The following NGEF variants were observed in gnomAD, a reference collection of about 807,000 sequenced individuals.
NGEF encodes the protein neuronal guanine nucleotide exchange factor, also known as ephexin-1.
A neutral mutation model predicts 80.9 loss-of-function variants in NGEF; 31 were observed. The observed-to-expected ratio is 0.38, with a 90% CI of 0.29 to 0.52. NGEF has a LOEUF of 0.52. NGEF is among the 20% of genes least tolerant of loss of function. NGEF has a pLI of 0.84. For synonymous variants in NGEF, 371 were observed against 370.2 expected, an observed-to-expected ratio of 1.00 and a Z score of -0.03; for missense variants, 709 against 926.2, an observed-to-expected ratio of 0.77 and a Z score of 3.04.
intron 3 of NGEF, among the ~76,000 whole-genome samples, chr2:232,967,706 G>GGTGTGTGT (rs10686172): frequency 0.035 from 5,259 of 148,400 alleles, 139 homozygotes; most frequent in Non-Finnish European, 0.051. Flanking sequence ...ATAAAATAGG[G>GGTGTGTGT]GTGTGTGTGT....
chr2:232,885,423 TTCC>T (rs756629494), intron 9 of NGEF, 54 bp from the exon 10 acceptor site: 178 of 1,480,190 alleles, frequency 1.2e-4, no homozygotes, highest in Non-Finnish European at 1.6e-4. Context: ...TCCCGGCCCC[TTCC>T]TCCAGCTCGG....
At chr2:232,889,650 C>G (rs1355550963) in intron 8 of NGEF, among the ~76,000 whole-genome samples, 1 of 152,194 alleles carries the variant, frequency 6.6e-6, no homozygotes, top group Non-Finnish European at 1.5e-5. Flanking sequence ...AAAAATATTT[C>G]CCACGGAACT....
intron 1 of NGEF, among the ~76,000 whole-genome samples, chr2:232,980,843 C>T (rs189392281): frequency 6.6e-6 from 1 of 152,148 alleles, no homozygotes; most frequent in Non-Finnish European, 1.5e-5. Context: ...AGGCAAAGTC[C>T]TAGGGGAACA....
At position 232,892,493 on chromosome 2, in the gene NGEF, G is replaced by A. The variant is rs1412441727; in HGVS notation, c.1142+405C>T. Among the ~76,000 whole-genome samples the A allele has an allele frequency of 6.6e-6, 1 of 152,132 alleles. No homozygotes were observed. The highest frequency in any genetic ancestry group is 1.5e-5 in the Non-Finnish European group (1 of 68,020). Reference sequence around the variant, plus strand: ...CCGGCGCTGCTGGAGGAGCCCCACCGAGGCTCCTTCCCATCCTGTCCCTGC... The same window carrying A: ...CCGGCGCTGCTGGAGGAGCCCCACCAAGGCTCCTTCCCATCCTGTCCCTGC... On this transcript the variant is annotated intron_variant, in intron 7 of 14. Coordinates refer to ENST00000264051, the MANE Select transcript of NGEF (RefSeq NM_019850.3). The surrounding 1 kb of genome is among the most constrained non-coding windows in gnomAD (Gnocchi z 4.0).
intron 2 of NGEF, 87 bp from the exon 3 acceptor site, chr2:232,970,415 AG>A: frequency 1.2e-6 from 1 of 860,250 alleles, no homozygotes; most frequent in Non-Finnish European, 1.8e-6. Flanking sequence ...CAGTAGCAGC[AG>A]TCATGCTGGA....
chr2:232,979,096 G>A (rs1414844082), intron 1 of NGEF, among the ~76,000 whole-genome samples: 1 of 152,112 alleles, frequency 6.6e-6, no homozygotes, highest in Middle Eastern at 3.2e-3. Context: ...ACCTGGGTTC[G>A]AATCTCCATT....
At chr2:232,942,054 C>A (rs754158357) in intron 3 of NGEF, among the ~76,000 whole-genome samples, 12 of 152,196 alleles carry the variant, frequency 7.9e-5, no homozygotes, top group Non-Finnish European at 1.6e-4. Context: ...ACCAAAGAAA[C>A]CACCACCTCC....
intron 8 of NGEF, among the ~76,000 whole-genome samples, chr2:232,888,542 CACAT>C (rs1286610072): frequency 1.1e-5 from 1 of 88,004 alleles, no homozygotes; most frequent in Non-Finnish European, 2.4e-5. Flanking sequence ...TACATGCATG[CACAT>C]ACATGCATAC....
intron 1 of NGEF, among the ~76,000 whole-genome samples, chr2:232,992,812 C>A (rs1668028495): frequency 6.6e-6 from 1 of 151,504 alleles, no homozygotes; most frequent in South Asian, 2.1e-4. Flanking sequence ...CATGGCAAAA[C>A]CCCCTCTCTA....
At chr2:232,931,715 C>T (rs79067847) in intron 3 of NGEF, among the ~76,000 whole-genome samples, 21 of 152,124 alleles carry the variant, frequency 1.4e-4, no homozygotes, top group African/African-American at 2.4e-4. Context: ...CCTGAGGAAA[C>T]GGAGAAAGTG....
chr2:232,957,326 A>C (rs1011442350), intron 3 of NGEF, among the ~76,000 whole-genome samples: 2 of 151,918 alleles, frequency 1.3e-5, no homozygotes, highest in African/African-American at 4.8e-5. Context: ...TACTACTAAT[A>C]ATTATTATTA....
At chr2:232,893,111 A>C in intron 6 of NGEF, 61 bp from the exon 7 acceptor site, 122 of 1,545,432 alleles carry the variant, frequency 7.9e-5, no homozygotes, top group Non-Finnish European at 9.8e-5. Context: ...GAATTGTCTC[A>C]CCAAGGGCAG....
chr2:232,935,379 A>G (rs1693307959), intron 3 of NGEF, among the ~76,000 whole-genome samples: 1 of 152,212 alleles, frequency 6.6e-6, no homozygotes, highest in African/African-American at 2.4e-5. Context: ...GCATTTTGGG[A>G]GGCTGAGGCA....
At chr2:232,944,821 G>A (rs957196610) in intron 3 of NGEF, among the ~76,000 whole-genome samples, 75 of 146,278 alleles carry the variant, frequency 5.1e-4, no homozygotes, top group African/African-American at 1.7e-3. Context: ...GCATAATCTC[G>A]GCTCACTGCA....
intron 9 of NGEF, among the ~76,000 whole-genome samples, chr2:232,886,787 T>C (rs971357275): frequency 6.6e-6 from 1 of 152,190 alleles, no homozygotes; most frequent in Non-Finnish European, 1.5e-5. Flanking sequence ...GGTGGCCCCG[T>C]GTGGCTGCTG....
intron 3 of NGEF, among the ~76,000 whole-genome samples, chr2:232,960,339 C>T (rs1017059101): frequency 6.6e-6 from 1 of 152,166 alleles, no homozygotes; most frequent in Admixed American, 6.5e-5. Context: ...AATAAAGTCC[C>T]AACACAATAC....
chr2:233,003,812 C>T (rs1255639757), intron 1 of NGEF, among the ~76,000 whole-genome samples: 1 of 152,130 alleles, frequency 6.6e-6, no homozygotes, highest in African/African-American at 2.4e-5. Flanking sequence ...ATGGGGATCT[C>T]GGATGTTCCA....
rs1694958803 is a variant in NGEF, at chr2:233,000,771, A to AC, written c.-75+12296_-75+12297insG. Reference sequence around the variant, plus strand: ...CGAGACTCTGTCTCAAAAAAAAAAAAAAACGAAAAAACCTAAATGCCTCCC... The same window carrying AC: ...CGAGACTCTGTCTCAAAAAAAAAAAACAAACGAAAAAACCTAAATGCCTCCC... On this transcript the variant is annotated intron_variant, in intron 1 of 14. Transcript: ENST00000264051. Among the ~76,000 whole-genome samples, 3 of 141,544 alleles carry AC rather than the reference A, an allele frequency of 2.1e-5. No individual in the cohort carries two copies. The South Asian group carries it at 6.4e-4, about 30-fold the overall frequency. 92.9% of individuals were successfully genotyped at this position (141,544 alleles called of 152,430 possible). A position where few individuals can be genotyped will look rare whatever the true frequency, so the allele number is the denominator to read the frequency against.
intron 1 of NGEF, among the ~76,000 whole-genome samples, chr2:233,011,362 G>A (rs376498188): frequency 3.9e-5 from 6 of 152,154 alleles, no homozygotes; most frequent in South Asian, 2.1e-4. Flanking sequence ...TGTAGATGGG[G>A]AAGGGACGTC....
Sources: gnomAD v4.1 joint callset for allele counts (sites outside exome capture counted in the v4.1 genomes callset) on GRCh38, gnomAD v4.1.1 for gene constraint, Gnocchi (gnomAD v3.1) non-coding constraint, MANE v1.5 for transcripts, NCBI Gene and HGNC (gene_info 2026-07-23, HGNC 2026-07-21) for gene names.